Variants in FSTL5 observed in about 807,000 individuals in gnomAD.
FSTL5 encodes the protein follistatin-related protein 5.
FSTL5 carries 62 observed loss-of-function variants against 89.1 expected under a neutral mutation model. That is an observed-to-expected ratio of 0.70 (90% CI 0.57 to 0.86). The LOEUF is 0.86. Among genes scored for constraint, FSTL5 ranks in the 40% least tolerant of loss-of-function variants. The pLI is 0.00. For missense variants in FSTL5, 1,057 were observed against 1,001.6 expected (o/e 1.06, Z -0.75); for synonymous variants, 383 against 346.2 (o/e 1.11, Z -1.18).
chr4:161,427,618 A>AT (rs1248173161), intron 15 of FSTL5, among the ~76,000 whole-genome samples: 6 of 152,004 alleles, frequency 3.9e-5, no homozygotes, highest in Non-Finnish European at 7.4e-5. Context: ...CTCCCTCTCC[A>AT]TTTTTTTCTC....
chr4:162,049,674 T>C (rs1045145430), intron 2 of FSTL5, among the ~76,000 whole-genome samples: 9 of 152,066 alleles, frequency 5.9e-5, no homozygotes, highest in East Asian at 1.9e-4. Context: ...AAAGGAAGAA[T>C]AGCTAATCTT....
chr4:162,099,855 T>C (rs576877936), intron 2 of FSTL5, among the ~76,000 whole-genome samples: 2 of 152,268 alleles, frequency 1.3e-5, no homozygotes, highest in African/African-American at 2.4e-5. Flanking sequence ...CATTAGGGAA[T>C]TGCAAATTAA....
At chr4:162,047,949 A>C (rs559233323) in intron 2 of FSTL5, among the ~76,000 whole-genome samples, 1 of 152,306 alleles carries the variant, frequency 6.6e-6, no homozygotes, top group South Asian at 2.1e-4. Context: ...GCAGGTACAT[A>C]GTAAAGGTTA....
intron 3 of FSTL5, among the ~76,000 whole-genome samples, chr4:162,004,261 A>G (rs1414407202): frequency 1.3e-5 from 2 of 152,142 alleles, no homozygotes; most frequent in African/African-American, 4.8e-5. Flanking sequence ...GTCCTCCTAA[A>G]TTGTCTAGTC....
At chr4:161,590,817 C>A (rs1733790310) in intron 7 of FSTL5, among the ~76,000 whole-genome samples, 1 of 152,112 alleles carries the variant, frequency 6.6e-6, no homozygotes, top group Admixed American at 6.6e-5. Context: ...GGTGCCTCTG[C>A]TTTGGATAAC....
intron 3 of FSTL5, among the ~76,000 whole-genome samples, chr4:161,936,679 C>A (rs569880759): frequency 8.5e-5 from 13 of 152,178 alleles, no homozygotes; most frequent in African/African-American, 2.9e-4. Context: ...CAATAAATTG[C>A]CAGATCCCCT....
chr4:161,612,617 G>A (rs1474835323), intron 7 of FSTL5, among the ~76,000 whole-genome samples: 2 of 152,120 alleles, frequency 1.3e-5, no homozygotes, highest in African/African-American at 2.4e-5. Flanking sequence ...AATTCACTTG[G>A]GGATGAGAAG....
chr4:161,649,787 A>G (rs1390406643), intron 7 of FSTL5, among the ~76,000 whole-genome samples: 8 of 152,144 alleles, frequency 5.3e-5, no homozygotes, highest in African/African-American at 9.7e-5. Flanking sequence ...AGATCTATAA[A>G]TGGTTGTGGG....
chr4:161,497,364 A>T (rs1730120455), intron 12 of FSTL5, among the ~76,000 whole-genome samples: 1 of 152,090 alleles, frequency 6.6e-6, no homozygotes, highest in Non-Finnish European at 1.5e-5. Context: ...TTCTGTATTT[A>T]AAAATCATAA....
intron 13 of FSTL5, among the ~76,000 whole-genome samples, chr4:161,467,147 G>A (rs541468755): frequency 6.2e-4 from 95 of 152,052 alleles, no homozygotes; most frequent in Middle Eastern, 3.4e-3. Context: ...TTTTTTTCAA[G>A]AAGGCATTTT....
intron 6 of FSTL5, among the ~76,000 whole-genome samples, chr4:161,657,972 A>T (rs1489294760): frequency 6.6e-6 from 1 of 152,206 alleles, no homozygotes; most frequent in African/African-American, 2.4e-5. Flanking sequence ...GTGAACAGGA[A>T]TGCTCTTGAA....
chr4:161,815,218 G>T (rs1730286001), intron 4 of FSTL5, among the ~76,000 whole-genome samples: 3 of 151,792 alleles, frequency 2.0e-5, no homozygotes, highest in African/African-American at 7.3e-5. Flanking sequence ...TTTATTAAAT[G>T]ATCACACATA....
chr4:161,984,890 T>A (rs1260877739), intron 3 of FSTL5, among the ~76,000 whole-genome samples: 2 of 151,988 alleles, frequency 1.3e-5, no homozygotes, highest in Admixed American at 1.3e-4. Context: ...TAAATCAAAA[T>A]CTCTAGAAAT....
intron 10 of FSTL5, among the ~76,000 whole-genome samples, chr4:161,515,432 C>T (rs934382882): frequency 5.8e-4 from 89 of 152,168 alleles, no homozygotes; most frequent in African/African-American, 2.1e-3. Context: ...ATCTCGAACT[C>T]CTGACCTCAG....
chr4:161,393,350 T>C (rs754514959), intron 15 of FSTL5, among the ~76,000 whole-genome samples: 2 of 151,954 alleles, frequency 1.3e-5, no homozygotes, highest in Admixed American at 6.6e-5. Context: ...CAATCTACTA[T>C]GTGTGTACAC....
At chr4:162,004,957 T>C (rs1286379028) in intron 3 of FSTL5, among the ~76,000 whole-genome samples, 5 of 152,172 alleles carry the variant, frequency 3.3e-5, no homozygotes, top group African/African-American at 1.2e-4. Context: ...CAAACCACGC[T>C]TCACACTCGA....
chr4:162,027,255 A>G (rs1737329313), intron 3 of FSTL5, among the ~76,000 whole-genome samples: 1 of 152,112 alleles, frequency 6.6e-6, no homozygotes, highest in South Asian at 2.1e-4. Context: ...CTACCCTTAT[A>G]CCTAGAAAAA....
rs17041340 is a variant in FSTL5, at chr4:161,676,215, A to G, written c.728-19721T>C. On this transcript the variant is annotated intron_variant, in intron 6 of 15. Coordinates refer to ENST00000306100, the MANE Select transcript of FSTL5 (RefSeq NM_020116.5). The stretch of plus-strand genomic sequence containing the variant: ...AACATTACCAATCCAAGTAATTCCA[A>G]TCTTATGGTATGATACCTTATTTGC... 2.4e-3 allele frequency among the ~76,000 whole-genome samples: 370 copies of G among 152,226 alleles called. 4 individuals carry two copies. The highest frequency in any genetic ancestry group is 8.6e-3 in the African/African-American group (357 of 41,554).
intron 6 of FSTL5, among the ~76,000 whole-genome samples, chr4:161,696,096 T>G (rs1738155253): frequency 1.3e-5 from 2 of 152,328 alleles, no homozygotes; most frequent in Middle Eastern, 6.8e-3. Flanking sequence ...TTTCAGGTCT[T>G]AGGTTTAAGT....
Sources: allele counts gnomAD v4.1 joint callset (sites outside exome capture counted in the v4.1 genomes callset), GRCh38; gene constraint gnomAD v4.1.1; transcripts MANE v1.5; gene names NCBI Gene and HGNC (gene_info 2026-07-23, HGNC 2026-07-21).